The following ABCC4 variants were observed in gnomAD, a reference collection of about 807,000 sequenced individuals.
The protein encoded by ABCC4 is ATP-binding cassette sub-family C member 4.
Under a neutral mutation model 168.5 loss-of-function variants are expected in ABCC4, and 102 were observed. The observed-to-expected ratio is 0.61, with a 90% CI of 0.52 to 0.71. ABCC4 has a LOEUF of 0.71. Among genes scored for constraint, ABCC4 ranks in the 30% least tolerant of loss-of-function variants. The probability of loss-of-function intolerance (pLI) is 0.00; values close to 1 mark genes in which losing one functional copy is unlikely to be tolerated. For missense variants in ABCC4, 1,402 were observed against 1,605.8 expected, an observed-to-expected ratio of 0.87 and a Z score of 2.17; for synonymous variants, 617 against 590.7, an observed-to-expected ratio of 1.04 and a Z score of -0.65.
chr13:95,227,043 T>C (rs2039485631), intron 4 of ABCC4, among the ~76,000 whole-genome samples: 1 of 152,198 alleles, frequency 6.6e-6, no homozygotes, highest in African/African-American at 2.4e-5. Flanking sequence ...TTTTAAAGAT[T>C]TCCCCTCATG....
intron 1 of ABCC4, among the ~76,000 whole-genome samples, chr13:95,284,784 T>G (rs1027027855): frequency 6.6e-6 from 1 of 152,186 alleles, no homozygotes; most frequent in Non-Finnish European, 1.5e-5. Flanking sequence ...CTAAGTTACC[T>G]ACCTGGTTTG....
At chr13:95,174,864 C>T (rs1023224522) in intron 13 of ABCC4, among the ~76,000 whole-genome samples, 7 of 152,236 alleles carry the variant, frequency 4.6e-5, no homozygotes, top group African/African-American at 7.2e-5. Flanking sequence ...CAAGTGCCAG[C>T]TTATCCTGCA....
chr13:95,296,172 ACACACACACAC>A (rs2041528832), intron 1 of ABCC4, among the ~76,000 whole-genome samples: 1 of 107,020 alleles, frequency 9.3e-6, no homozygotes, highest in African/African-American at 3.4e-5. Context: ...ACACACACAC[ACACACACACAC>A]AAAAACACAA....
intron 19 of ABCC4, among the ~76,000 whole-genome samples, chr13:95,135,606 G>T (rs2036121305): frequency 6.6e-6 from 1 of 151,876 alleles, no homozygotes; most frequent in African/African-American, 2.4e-5. Context: ...TAGAGACAGG[G>T]TCTTGCCATG....
At position 95,244,643 on chromosome 13, in the gene ABCC4, AAG is replaced by A. The variant is rs1491314554; in HGVS notation, c.306+2330_306+2331del. Reference sequence around the variant, plus strand: ...AAAGAAAGAAAGAAAGAAAGAAAGAAAGAAAGAAAGAAAGAAAGAAAGAAAGA... The same window carrying A: ...AAAGAAAGAAAGAAAGAAAGAAAGAAAAAGAAAGAAAGAAAGAAAGAAAGA... On this transcript the variant is annotated intron_variant, in intron 3 of 30. Coordinates refer to ENST00000645237, the MANE Select transcript of ABCC4 (RefSeq NM_005845.5). 2.3e-5 allele frequency among the ~76,000 whole-genome samples: 2 copies of A among 87,230 alleles called. 1 individual carries two copies. Among genetic ancestry groups the A allele is most frequent in the Non-Finnish European group, 4.7e-5 (2 of 42,686 alleles). 57.2% of individuals were successfully genotyped at this position (87,230 alleles called of 152,430 possible). A position where few individuals can be genotyped will look rare whatever the true frequency, so the allele number is the denominator to read the frequency against.
intron 21 of ABCC4, among the ~76,000 whole-genome samples, chr13:95,077,708 G>A (rs866079124): frequency 3.3e-5 from 5 of 152,162 alleles, no homozygotes; most frequent in South Asian, 2.1e-4. Flanking sequence ...GGTAAGGGGC[G>A]GAGGGAGTGG....
chr13:95,217,175 T>A (rs1435904226), intron 4 of ABCC4, among the ~76,000 whole-genome samples: 1 of 152,210 alleles, frequency 6.6e-6, no homozygotes, highest in Non-Finnish European at 1.5e-5. Context: ...AACAAAACAT[T>A]AATTGTATTC....
intron 19 of ABCC4, among the ~76,000 whole-genome samples, chr13:95,118,526 G>T (rs1283253947): frequency 6.6e-6 from 1 of 152,198 alleles, no homozygotes; most frequent in Admixed American, 6.5e-5. Context: ...TTACAGGTGT[G>T]AGCCATAGCA....
intron 3 of ABCC4, among the ~76,000 whole-genome samples, chr13:95,244,647 A>AAG (rs2040052650): frequency 2.3e-5 from 2 of 88,064 alleles, no homozygotes; most frequent in Non-Finnish European, 2.3e-5. Flanking sequence ...GAAAGAAAGA[A>AAG]AGAAAGAAAG....
intron 11 of ABCC4, among the ~76,000 whole-genome samples, chr13:95,183,703 A>G (rs2037971059): frequency 6.6e-6 from 1 of 152,174 alleles, no homozygotes; most frequent in South Asian, 2.1e-4. Context: ...ACTTGAGGTC[A>G]AGAGTTCAAG....
chr13:95,099,235 G>C (rs567219079), intron 20 of ABCC4, among the ~76,000 whole-genome samples: 20 of 152,226 alleles, frequency 1.3e-4, no homozygotes, highest in Non-Finnish European at 1.2e-4. Context: ...AAAACATGGT[G>C]AACAAAAGAA....
intron 1 of ABCC4, among the ~76,000 whole-genome samples, chr13:95,290,553 A>C (rs1373306814): frequency 6.6e-6 from 1 of 152,004 alleles, no homozygotes; most frequent in Non-Finnish European, 1.5e-5. Flanking sequence ...AAAAATACAA[A>C]AATCAGCTAG....
intron 11 of ABCC4, 40 bp downstream of exon 11, chr13:95,186,661 T>G (rs370412493): frequency 1.5e-5 from 24 of 1,575,166 alleles, no homozygotes; most frequent in Non-Finnish European, 1.9e-5. Flanking sequence ...CTAGTATTAC[T>G]GGACATTCGA....
chr13:95,250,690 G>GA (rs2040230418), intron 1 of ABCC4, among the ~76,000 whole-genome samples: 1 of 151,506 alleles, frequency 6.6e-6, no homozygotes, highest in Admixed American at 6.6e-5. Context: ...TTTATTGTTG[G>GA]TGGTGGTGGC....
In ABCC4 at chr13:95,207,941, C is replaced by G. The variant is rs966051189; in HGVS notation, c.786-16G>C. The G allele has an allele frequency of 6.2e-7, 1 of 1,611,110 alleles. No individual in the cohort carries two copies. The highest frequency in any genetic ancestry group is 1.7e-5 in the Admixed American group (1 of 58,940). On this transcript the variant is annotated splice_polypyrimidine_tract_variant and intron_variant, in intron 6 of 30. Coordinates refer to ENST00000645237, the MANE Select transcript of ABCC4 (RefSeq NM_005845.5). Reference sequence around the variant, plus strand: ...AGTTTTACTCCTAAGGGGAACCAGACACGGGAGATGAGCCTGAGCGATCAC... The same window carrying G: ...AGTTTTACTCCTAAGGGGAACCAGAGACGGGAGATGAGCCTGAGCGATCAC...
At chr13:95,255,778 TCTGGGTTCAAC>T (rs1359531674) in intron 1 of ABCC4, among the ~76,000 whole-genome samples, 1 of 152,104 alleles carries the variant, frequency 6.6e-6, no homozygotes, top group African/African-American at 2.4e-5. Flanking sequence ...ACACCTGCAC[TCTGGGTTCAAC>T]ATGGGTCCTT....
rs371237099 is a variant in ABCC4 at position 95,021,328 on chromosome 13, C to T, written c.*247G>A. The T allele has an allele frequency of 8.8e-4, 347 of 396,142 alleles. 1 individual carries two copies. Among genetic ancestry groups the T allele is most frequent in the Non-Finnish European group, 1.1e-3 (235 of 222,612 alleles). 24.5% of individuals were successfully genotyped at this position (396,142 alleles called of 1,614,324 possible). A position where few individuals can be genotyped will look rare whatever the true frequency, so the allele number is the denominator to read the frequency against. Reference sequence around the variant, plus strand: ...CTCTTAAGGCACAAAACCTGATAGACGGCATTTAACTGGTGGCCTGCACCT... The same window carrying T: ...CTCTTAAGGCACAAAACCTGATAGATGGCATTTAACTGGTGGCCTGCACCT... On this transcript the variant is annotated 3_prime_UTR_variant, in exon 31 of 31. Coordinates refer to ENST00000645237, the MANE Select transcript of ABCC4 (RefSeq NM_005845.5).
intron 19 of ABCC4, among the ~76,000 whole-genome samples, chr13:95,130,776 C>T (rs1210405763): frequency 6.6e-6 from 1 of 152,168 alleles, no homozygotes; most frequent in East Asian, 1.9e-4. Flanking sequence ...TCTCCAAACA[C>T]AGCTGACAAT....
chr13:95,170,867 T>A (rs1156804480), intron 13 of ABCC4, among the ~76,000 whole-genome samples: 1 of 152,064 alleles, frequency 6.6e-6, no homozygotes, highest in Non-Finnish European at 1.5e-5. Flanking sequence ...AGGCAATAAG[T>A]GTAATTTTTT....
Sources: allele counts gnomAD v4.1 joint callset (sites outside exome capture counted in the v4.1 genomes callset), GRCh38; gene constraint gnomAD v4.1.1; transcripts MANE v1.5; gene names NCBI Gene and HGNC (gene_info 2026-07-23, HGNC 2026-07-21).